Variants in RSF1 observed in about 807,000 individuals in gnomAD.
RSF1 encodes the protein remodeling and spacing factor 1, also known as HBV pX-associated protein 8.
Under a neutral mutation model 145.2 loss-of-function variants are expected in RSF1, and 13 were observed. The ratio of observed to expected loss-of-function variants is 0.09; its 90% CI spans 0.06 to 0.14. The LOEUF (loss-of-function observed/expected upper bound fraction) is 0.14. RSF1 is among the 10% of genes least tolerant of loss of function. The pLI is 1.00. For missense variants in RSF1, 1,517 were observed against 1,718.2 expected (o/e 0.88, Z 2.07); for synonymous variants, 577 against 592.6 (o/e 0.97, Z 0.38).
At chr11:77,761,169 G>A (rs1189837771) in intron 2 of RSF1, among the ~76,000 whole-genome samples, 2 of 152,062 alleles carry the variant, frequency 1.3e-5, no homozygotes, top group East Asian at 1.9e-4. Flanking sequence ...TCAATCTCCT[G>A]ACCTTGTGAT....
chr11:77,785,282 G>C (rs1948442825), intron 1 of RSF1, among the ~76,000 whole-genome samples: 1 of 152,186 alleles, frequency 6.6e-6, no homozygotes, highest in African/African-American at 2.4e-5. Flanking sequence ...TGTCCAGAGA[G>C]AATTCTCAAT....
At chr11:77,786,830 G>A (rs1839930120) in intron 1 of RSF1, among the ~76,000 whole-genome samples, 2 of 152,232 alleles carry the variant, frequency 1.3e-5, no homozygotes, top group Middle Eastern at 3.4e-3. Context: ...AAAAATATAT[G>A]AAACTAGACA....
At chr11:77,684,566 G>C (rs1959953109) in intron 10 of RSF1, among the ~76,000 whole-genome samples, 1 of 152,202 alleles carries the variant, frequency 6.6e-6, no homozygotes, top group Non-Finnish European at 1.5e-5. Flanking sequence ...GGTAAAAGCT[G>C]TAAGTTTAGT....
intron 10 of RSF1, among the ~76,000 whole-genome samples, chr11:77,684,189 G>A (rs542016967): frequency 6.6e-6 from 1 of 152,324 alleles, no homozygotes; most frequent in East Asian, 1.9e-4. Flanking sequence ...GCTACTCAAG[G>A]AAATAACTTG....
chr11:77,688,274 G>C (rs1565148722), intron 9 of RSF1, among the ~76,000 whole-genome samples: 2 of 152,122 alleles, frequency 1.3e-5, no homozygotes, highest in Non-Finnish European at 2.9e-5. Flanking sequence ...CTCCAGCCTG[G>C]GTGACGGAGC....
the RSF1 span, among the ~76,000 whole-genome samples, chr11:77,848,947 T>C: frequency 6.6e-6 from 1 of 152,094 alleles, no homozygotes; most frequent in African/African-American, 2.4e-5. Context: ...TGTGCCACAA[T>C]GCCTGGCTAA....
intron 8 of RSF1, 85 bp from the exon 9 acceptor site, chr11:77,691,323 G>T: frequency 9.0e-7 from 1 of 1,111,900 alleles, no homozygotes; most frequent in Non-Finnish European, 1.4e-6. Context: ...TGGGTAGTGG[G>T]CTCTGAGAGC....
the RSF1 span, among the ~76,000 whole-genome samples, chr11:77,832,797 T>A: frequency 6.6e-6 from 1 of 151,718 alleles, no homozygotes; most frequent in East Asian, 1.9e-4. Context: ...CAAAGAAGAA[T>A]TCAGTCCATT....
chr11:77,747,815 A>G (rs1442321706), intron 2 of RSF1, among the ~76,000 whole-genome samples: 1 of 152,232 alleles, frequency 6.6e-6, no homozygotes, highest in Non-Finnish European at 1.5e-5. Context: ...AGGTTAACAC[A>G]GTGAAATGCA....
At chr11:77,786,606 C>T (rs1948459112) in intron 1 of RSF1, among the ~76,000 whole-genome samples, 2 of 152,074 alleles carry the variant, frequency 1.3e-5, no homozygotes, top group Admixed American at 6.6e-5. Context: ...ACAGTAGACA[C>T]TCAATATACA....
At chr11:77,682,286 A>T (rs1199082501) in intron 11 of RSF1, among the ~76,000 whole-genome samples, 40 of 152,224 alleles carry the variant, frequency 2.6e-4, no homozygotes, top group Admixed American at 2.6e-3. Context: ...GCAAGTTTAT[A>T]AATAAGAAGC....
chr11:77,868,720 G>A, the RSF1 span: 34 of 220,706 alleles, frequency 1.5e-4, no homozygotes, highest in East Asian at 5.6e-4. Context: ...AAATTATGGC[G>A]TGAATTCACA....
chr11:77,698,410 C>G (rs1960334692), intron 7 of RSF1, 77 bp downstream of exon 7: 1 of 1,153,796 alleles, frequency 8.7e-7, no homozygotes, highest in African/African-American at 1.5e-5. Flanking sequence ...ATGATAAAAC[C>G]CAGAAGAGTT....
At chr11:77,829,267 A>G in the RSF1 span, among the ~76,000 whole-genome samples, 3 of 152,324 alleles carry the variant, frequency 2.0e-5, no homozygotes, top group East Asian at 5.8e-4. Context: ...CTCCAACCCA[A>G]GGAGAAAGCC....
intron 1 of RSF1, among the ~76,000 whole-genome samples, chr11:77,782,386 C>T (rs1219121933): frequency 6.6e-6 from 1 of 152,108 alleles, no homozygotes; most frequent in Non-Finnish European, 1.5e-5. Flanking sequence ...ACTAAATATA[C>T]AAAACTTAGC....
intron 5 of RSF1, among the ~76,000 whole-genome samples, chr11:77,710,632 T>C (rs1217072698): frequency 6.6e-6 from 1 of 152,164 alleles, no homozygotes; most frequent in East Asian, 1.9e-4. Context: ...TGTTGAGGAG[T>C]TCTTTATTAA....
chr11:77,744,300 A>T (rs906804637), intron 3 of RSF1, among the ~76,000 whole-genome samples: 5 of 152,124 alleles, frequency 3.3e-5, no homozygotes. Flanking sequence ...AAGTGCTGGG[A>T]TTACAGGCGT....
rs545979996 is a variant in RSF1 at position 77,785,506 on chromosome 11, C to T, written c.188-20817G>A. ...TTAGGAGGCTGAGGCAGGAGAATTG[C>T]TTGAACCTGGGAGGCGGAGGTTGCA... On this transcript the variant is annotated intron_variant, in intron 1 of 15. Coordinates refer to ENST00000308488, the MANE Select transcript of RSF1 (RefSeq NM_016578.4). Among the ~76,000 whole-genome samples the T allele has an allele frequency of 2.6e-5, 4 of 152,156 alleles. No individual in the cohort carries two copies. In the South Asian group the frequency reaches 8.3e-4, roughly 32 times the overall value.
intron 7 of RSF1, among the ~76,000 whole-genome samples, chr11:77,694,573 AAG>A (rs2135844368): frequency 6.6e-6 from 1 of 152,356 alleles, no homozygotes; most frequent in Non-Finnish European, 1.5e-5. Context: ...AGATTTACAG[AAG>A]AGTTTCAAGA....
Sources: allele counts gnomAD v4.1 joint callset (sites outside exome capture counted in the v4.1 genomes callset), GRCh38; gene constraint gnomAD v4.1.1; transcripts MANE v1.5; gene names NCBI Gene and HGNC (gene_info 2026-07-23, HGNC 2026-07-21).